NDUFA10: variants seen among roughly 807,000 people sequenced by gnomAD.
The protein encoded by NDUFA10 is NADH:ubiquinone oxidoreductase subunit A10.
NDUFA10 carries 40 observed loss-of-function variants against 47.8 expected under a neutral mutation model. That is an observed-to-expected ratio of 0.84 (90% CI 0.65 to 1.09). NDUFA10 has a LOEUF of 1.09. NDUFA10 is among the 50% of genes least tolerant of loss of function. The pLI is 0.00. For missense variants in NDUFA10, 413 were observed against 451.1 expected, an observed-to-expected ratio of 0.92 and a Z score of 0.76; for synonymous variants, 183 against 172.2, an observed-to-expected ratio of 1.06 and a Z score of -0.49.
chr2:239,911,784 C>G (rs534431833), intron 4 of NDUFA10, among the ~76,000 whole-genome samples: 8 of 151,956 alleles, frequency 5.3e-5, no homozygotes, highest in Admixed American at 4.6e-4. Context: ...CACACACACA[C>G]CACACACCAC....
chr2:239,924,256 A>G (rs532160691), intron 4 of NDUFA10, among the ~76,000 whole-genome samples: 2 of 152,254 alleles, frequency 1.3e-5, no homozygotes, highest in African/African-American at 2.4e-5. Flanking sequence ...AATGAAAAAT[A>G]TCAATATCCT....
intron 8 of NDUFA10, among the ~76,000 whole-genome samples, chr2:239,995,756 T>C (rs1006209390): frequency 6.6e-6 from 1 of 152,150 alleles, no homozygotes; most frequent in African/African-American, 2.4e-5. Flanking sequence ...AGACACACCA[T>C]GCCCACACTA....
chr2:239,969,148 C>T lies in NDUFA10; in HGVS notation c.1000-7962G>A, dbSNP rs1695210523. 2.6e-5 allele frequency among the ~76,000 whole-genome samples: 4 copies of T among 152,070 alleles called. 1 individual carries two copies. In the South Asian group the frequency reaches 8.3e-4, roughly 32 times the overall value. On this transcript the variant is annotated intron_variant, in intron 9 of 9. Coordinates refer to ENST00000252711, the MANE Select transcript of NDUFA10 (RefSeq NM_004544.4). ...TGAAACAGGAAAATGTAACCCATAA[C>T]AAGGGGAAAATATCAAGCCAACTCA...
chr2:240,006,928 A>G (rs191652303), intron 7 of NDUFA10, among the ~76,000 whole-genome samples: 1 of 152,354 alleles, frequency 6.6e-6, no homozygotes, highest in Admixed American at 6.5e-5. Flanking sequence ...TGTTATTCAT[A>G]AAGTTCCCTG....
chr2:239,907,821 T>C (rs1693682935), intron 4 of NDUFA10, among the ~76,000 whole-genome samples: 2 of 152,150 alleles, frequency 1.3e-5, no homozygotes, highest in South Asian at 4.1e-4. Context: ...AGTTCAACCA[T>C]TGTGGAAGAC....
intron 8 of NDUFA10, among the ~76,000 whole-genome samples, chr2:239,999,054 C>T (rs116200597): frequency 0.012 from 1,759 of 152,206 alleles, 31 homozygotes; most frequent in African/African-American, 0.038. Context: ...GCTGTGGGAA[C>T]CAAGGAAGCT....
At chr2:240,015,024 A>G (rs1455291055) in intron 4 of NDUFA10, among the ~76,000 whole-genome samples, 164 bp from the exon 5 acceptor site, 5 of 152,212 alleles carry the variant, frequency 3.3e-5, no homozygotes, top group African/African-American at 9.6e-5. Flanking sequence ...GACCACACAC[A>G]TGGCATGTGA....
intron 9 of NDUFA10, among the ~76,000 whole-genome samples, chr2:239,974,959 ACTC>A (rs574005701): frequency 0.022 from 1,270 of 58,144 alleles, 10 homozygotes; most frequent in African/African-American, 0.031. Flanking sequence ...AACATGTGAC[ACTC>A]CTCCGCCACC....
At chr2:240,007,976 G>A (rs1244329608) in intron 6 of NDUFA10, among the ~76,000 whole-genome samples, 1 of 152,178 alleles carries the variant, frequency 6.6e-6, no homozygotes, top group African/African-American at 2.4e-5. Context: ...CTCCAAGAAT[G>A]TACAAGCTAT....
chr2:239,917,906 T>A (rs1257835374), intron 4 of NDUFA10, among the ~76,000 whole-genome samples: 2 of 152,112 alleles, frequency 1.3e-5, no homozygotes, highest in African/African-American at 4.8e-5. Context: ...ACCAGTGACA[T>A]GTGAGCCCTG....
chr2:239,953,625 TC>T (rs1159182670), downstream of NDUFA10, among the ~76,000 whole-genome samples: 1 of 152,028 alleles, frequency 6.6e-6, no homozygotes, highest in Non-Finnish European at 1.5e-5. Context: ...TGCTCTCAAG[TC>T]CCCCACCTTA....
intron 4 of NDUFA10, among the ~76,000 whole-genome samples, chr2:239,930,399 T>C (rs548000242): frequency 6.6e-6 from 1 of 151,994 alleles, no homozygotes; most frequent in Non-Finnish European, 1.5e-5. Context: ...CAGGATGCCC[T>C]CCTCAGAGAC....
intron 9 of NDUFA10, among the ~76,000 whole-genome samples, chr2:239,966,796 C>T (rs555577627): frequency 6.8e-6 from 1 of 148,106 alleles, no homozygotes; most frequent in Non-Finnish European, 1.5e-5. Context: ...GGCTGGGGAA[C>T]AAAGAAGGAA....
intron 4 of NDUFA10, among the ~76,000 whole-genome samples, chr2:239,897,332 A>T (rs1263465822): frequency 2.6e-5 from 4 of 152,346 alleles, no homozygotes; most frequent in Middle Eastern, 3.4e-3. Flanking sequence ...CTATCACTAA[A>T]ATTATTTGTG....
chr2:239,942,521 G>A (rs900616216), intron 4 of NDUFA10, among the ~76,000 whole-genome samples: 1 of 152,216 alleles, frequency 6.6e-6, no homozygotes, highest in Admixed American at 6.5e-5. Flanking sequence ...CCTGAGGTCT[G>A]ACATCTTATT....
At chr2:239,892,945 G>A (rs964456297) in intron 5 of NDUFA10, among the ~76,000 whole-genome samples, 5 of 152,224 alleles carry the variant, frequency 3.3e-5, no homozygotes, top group Admixed American at 6.5e-5. Context: ...GCAACGGTGA[G>A]GCTGTTAGCC....
Position 239,945,258 on chromosome 2 carries a change from G to A in NDUFA10, c.294+44816C>T, listed in dbSNP as rs562729951. Among the ~76,000 whole-genome samples, 14 of 152,218 alleles carry A rather than the reference G, an allele frequency of 9.2e-5. No individual in the cohort carries two copies. The highest frequency in any genetic ancestry group is 8.5e-4 in the Admixed American group (13 of 15,290). On this transcript the variant is annotated intron_variant, in intron 4 of 5. Coordinates refer to the NDUFA10 transcript ENST00000419408. The surrounding 1 kb of genome is among the most constrained non-coding windows in gnomAD (Gnocchi z 4.6). Reference sequence around the variant, plus strand: ...CTGCAGACGCTGGGCTCCTTCATTTGCACAACCGCAGCGGCAGCGCCATCA... The same window carrying A: ...CTGCAGACGCTGGGCTCCTTCATTTACACAACCGCAGCGGCAGCGCCATCA...
chr2:240,014,525 G>C (rs1574890484), intron 5 of NDUFA10: 4 of 660,478 alleles, frequency 6.1e-6, no homozygotes, highest in East Asian at 6.2e-5. Flanking sequence ...CAGAGCACTG[G>C]TGGGCGGCAG....
intron 9 of NDUFA10, chr2:239,982,036 C>A: frequency 6.3e-7 from 1 of 1,590,052 alleles, no homozygotes; most frequent in South Asian, 1.1e-5. Context: ...ACCTTCTGCT[C>A]TAATAGTCAC....
Sources: gnomAD v4.1 joint callset for allele counts (sites outside exome capture counted in the v4.1 genomes callset) on GRCh38, gnomAD v4.1.1 for gene constraint, Gnocchi (gnomAD v3.1) non-coding constraint, MANE v1.5 for transcripts, NCBI Gene and HGNC (gene_info 2026-07-23, HGNC 2026-07-21) for gene names.